The following ANK2 variants were observed in gnomAD, a reference collection of about 807,000 sequenced individuals.
ANK2 encodes ankyrin-2.
Under a neutral mutation model 360.5 loss-of-function variants are expected in ANK2, and 83 were observed. The ratio of observed to expected loss-of-function variants is 0.23; its 90% CI spans 0.19 to 0.28. ANK2 has a LOEUF of 0.28. ANK2 is among the 10% of genes least tolerant of loss of function. ANK2 has a pLI of 1.00. For synonymous variants in ANK2, 1,740 were observed against 1,759.5 expected (o/e 0.99, Z 0.28); for missense variants, 4,201 against 4,795.7 (o/e 0.88, Z 3.66).
At chr4:112,968,686 A>G (rs6833604) in intron 2 of ANK2, among the ~76,000 whole-genome samples, 29,538 of 152,092 alleles carry the variant, frequency 0.19, 3,210 homozygotes, top group East Asian at 0.38. Context: ...CTACAATGTG[A>G]GGGAATCCCA....
Position 113,358,300 on chromosome 4 carries a change from G to A in ANK2, c.9682G>A (p.Val3228Met), listed in dbSNP as rs141013157. The A allele has an allele frequency of 4.8e-5, 78 of 1,613,222 alleles. No homozygotes were observed. The highest frequency in any genetic ancestry group is 3.9e-4 in the African/African-American group (29 of 74,938). The change falls in exon 38 of 46, where the codon GTG becomes ATG. Residue 3228 changes from valine (V) to methionine (M), a missense_variant. Coordinates refer to ENST00000357077, the MANE Select transcript of ANK2 (RefSeq NM_001148.6). ...VSVGTKDLPTVQTGDIPPLSG... is the reference protein window; with the variant it reads ...VSVGTKDLPTMQTGDIPPLSG... The stretch of plus-strand genomic sequence containing the variant: ...TGTAGGGACCAAGGACCTCCCCACC[G>A]TGCAAACGGGTGATATACCTCCTCT...
intron 1 of ANK2, among the ~76,000 whole-genome samples, chr4:113,132,640 T>C (rs2096122896): frequency 6.6e-6 from 1 of 152,138 alleles, no homozygotes; most frequent in Non-Finnish European, 1.5e-5. Flanking sequence ...ATTAGATCTG[T>C]GGGTGGGGTG....
intron 2 of ANK2, among the ~76,000 whole-genome samples, chr4:113,038,671 A>G (rs1178001146): frequency 6.6e-6 from 1 of 152,086 alleles, no homozygotes; most frequent in Non-Finnish European, 1.5e-5. Context: ...GCTTTGACCA[A>G]TAAAATATGG....
intron 1 of ANK2, among the ~76,000 whole-genome samples, chr4:112,831,727 G>C (rs2059778209): frequency 6.6e-6 from 1 of 152,142 alleles, no homozygotes; most frequent in Non-Finnish European, 1.5e-5. Context: ...TCTTGCTGAT[G>C]CTCAGTCTTT....
At chr4:113,337,979 CTATT>C (rs1282736040) in intron 31 of ANK2, among the ~76,000 whole-genome samples, 1 of 152,168 alleles carries the variant, frequency 6.6e-6, no homozygotes, top group Admixed American at 6.5e-5. Flanking sequence ...ACCATCTACT[CTATT>C]TATTCCAGCA....
At position 113,369,567 on chromosome 4, in the gene ANK2, C is replaced by T. The variant is rs2154066002; in HGVS notation, c.11372C>T (p.Pro3791Leu). 1 of 1,614,066 alleles carries T rather than the reference C, an allele frequency of 6.2e-7. No individual in the cohort carries two copies. Residue 3791 changes from proline to leucine, a missense_variant, in exon 43 of 46, where the codon CCC (proline) becomes CTC (leucine). Pro to Leu is a moderately conservative substitution (Grantham distance 98). This residue lies in a region of ANK2 where 2,642 missense variants were observed against 2,714.5 expected (regional missense o/e 0.97). Coordinates refer to ENST00000357077, the MANE Select transcript of ANK2 (RefSeq NM_001148.6). ...GAGACTCAGAAGGCTATGATAGTAC[C>T]CAGCTCTCCCAGCAAGACACCTGAG... ...TSETQKAMIV[P>L]SSPSKTPEEV... is the part of the protein sequence containing the mutation.
At chr4:113,225,626 G>A (rs2099210009) in intron 4 of ANK2, among the ~76,000 whole-genome samples, 1 of 151,968 alleles carries the variant, frequency 6.6e-6, no homozygotes, top group East Asian at 1.9e-4. Context: ...CAAAACATTG[G>A]TGTTAAACCA....
intron 1 of ANK2, among the ~76,000 whole-genome samples, chr4:113,119,616 A>G (rs1409295725): frequency 6.6e-6 from 1 of 152,162 alleles, no homozygotes; most frequent in Admixed American, 6.5e-5. Context: ...ATGCCACTTT[A>G]TCATCATAAG....
intron 1 of ANK2, chr4:112,904,420 A>G: frequency 8.2e-7 from 1 of 1,215,860 alleles, no homozygotes; most frequent in Non-Finnish European, 1.1e-6. Flanking sequence ...AAATGATTTC[A>G]AACTTCTAAT....
intron 1 of ANK2, among the ~76,000 whole-genome samples, chr4:112,841,383 T>A (rs17045043): frequency 0.091 from 13,859 of 152,020 alleles, 872 homozygotes; most frequent in African/African-American, 0.18. Context: ...TGAAAAAATG[T>A]TAACAAGGGA....
intron 4 of ANK2, among the ~76,000 whole-genome samples, chr4:113,222,273 A>C (rs1383846558): frequency 6.6e-6 from 1 of 152,236 alleles, no homozygotes; most frequent in Non-Finnish European, 1.5e-5. Context: ...GGTCATAGAA[A>C]TTCCATAATG....
intron 1 of ANK2, among the ~76,000 whole-genome samples, chr4:113,084,628 G>T (rs949190870): frequency 6.6e-6 from 1 of 152,000 alleles, no homozygotes; most frequent in Non-Finnish European, 1.5e-5. Context: ...TTTTCCCAAG[G>T]GTAAAAGGGG....
chr4:112,993,568 A>G (rs1179268300), intron 2 of ANK2, among the ~76,000 whole-genome samples: 3 of 151,870 alleles, frequency 2.0e-5, no homozygotes, highest in Non-Finnish European at 2.9e-5. Flanking sequence ...GGCCTCCCAA[A>G]GTGCTGGGAT....
chr4:113,222,902 A>C (rs1328020965), intron 4 of ANK2, among the ~76,000 whole-genome samples: 1 of 152,244 alleles, frequency 6.6e-6, no homozygotes, highest in Non-Finnish European at 1.5e-5. Context: ...GAGAAAATGT[A>C]TATGATACTT....
At chr4:113,381,275 AGGGGAGCCAT>A (rs2097163506) in intron 45 of ANK2, among the ~76,000 whole-genome samples, 172 bp from the exon 46 acceptor site, 1 of 152,194 alleles carries the variant, frequency 6.6e-6, no homozygotes, top group South Asian at 2.1e-4. Flanking sequence ...CGTTTGAGAG[AGGGGAGCCAT>A]GTTTAAAAGA....
the ANK2 span, among the ~76,000 whole-genome samples, chr4:112,766,555 C>T: frequency 6.6e-6 from 1 of 152,034 alleles, no homozygotes; most frequent in Admixed American, 6.6e-5. Context: ...TATACTTAAT[C>T]TCCTTTAATT....
chr4:112,806,154 A>G, the ANK2 span, among the ~76,000 whole-genome samples: 2 of 152,118 alleles, frequency 1.3e-5, no homozygotes, highest in African/African-American at 4.8e-5. Flanking sequence ...ACTAGATCTT[A>G]TTCTCTCTAA....
At chr4:112,924,781 A>G (rs1039596409) in intron 2 of ANK2, among the ~76,000 whole-genome samples, 7 of 151,724 alleles carry the variant, frequency 4.6e-5, no homozygotes, top group African/African-American at 9.7e-5. Flanking sequence ...ATCTGGATAC[A>G]TATAATTTTT....
At chr4:112,729,956 T>G in the ANK2 span, among the ~76,000 whole-genome samples, 1 of 151,620 alleles carries the variant, frequency 6.6e-6, no homozygotes, top group Admixed American at 6.6e-5. Flanking sequence ...GTCAAAAACA[T>G]AGAAGCAAAG....
Sources: gnomAD v4.1 joint callset for allele counts (sites outside exome capture counted in the v4.1 genomes callset) on GRCh38, gnomAD v4.1.1 for gene constraint, gnomAD v4.1.1 regional missense constraint, MANE v1.5 for transcripts, NCBI Gene and HGNC (gene_info 2026-07-23, HGNC 2026-07-21) for gene names.